The following RALYL variants were observed in gnomAD, a reference collection of about 807,000 sequenced individuals.
The protein encoded by RALYL is RNA-binding Raly-like protein.
RALYL carries 29 observed loss-of-function variants against 35.1 expected under a neutral mutation model. That is an observed-to-expected ratio of 0.83 (90% confidence interval 0.61 to 1.13). The LOEUF is 1.13. RALYL is among the 50% of genes most tolerant of loss of function. The probability of loss-of-function intolerance (pLI) is 0.00; values close to 1 mark genes in which losing one functional copy is unlikely to be tolerated. For missense variants in RALYL, 359 were observed against 360.4 expected (o/e 1.00, Z 0.03); for synonymous variants, 120 against 127.6 (o/e 0.94, Z 0.40).
chr8:84,208,579 C>T (rs1300459318), intron 1 of RALYL, among the ~76,000 whole-genome samples: 1 of 152,126 alleles, frequency 6.6e-6, no homozygotes, highest in Non-Finnish European at 1.5e-5. Flanking sequence ...GGCCTGGGAG[C>T]TGGCAGGCAG....
intron 2 of RALYL, among the ~76,000 whole-genome samples, chr8:84,613,591 C>T (rs1211461980): frequency 1.3e-5 from 2 of 151,212 alleles, no homozygotes; most frequent in African/African-American, 4.9e-5. Flanking sequence ...ATAAGTTATC[C>T]AAAGTCACAC....
chr8:84,790,021 C>T lies in RALYL; in HGVS notation c.333-14749C>T, dbSNP rs562989084. On this transcript the variant is annotated intron_variant, in intron 3 of 8. Coordinates refer to ENST00000521268, the MANE Select transcript of RALYL (RefSeq NM_173848.7). ...AAATGTAATGCTAATGAAATAAAAG[C>T]AAGAAAGACTAGTCTTAGGGGTAGG... Among the ~76,000 whole-genome samples, 88 of 152,144 alleles carry T rather than the reference C, an allele frequency of 5.8e-4. 3 individuals are homozygous for T. The South Asian group carries it at 0.016, about 28-fold the overall frequency.
intron 2 of RALYL, among the ~76,000 whole-genome samples, chr8:84,542,619 C>T (rs1397046867): frequency 2.6e-5 from 4 of 152,094 alleles, no homozygotes; most frequent in African/African-American, 7.2e-5. Context: ...GTGAGGAAGG[C>T]TGTGTTTGCT....
At chr8:84,687,241 G>A (rs28704917) in intron 2 of RALYL, among the ~76,000 whole-genome samples, 29,576 of 151,978 alleles carry the variant, frequency 0.19, 3,121 homozygotes, top group Non-Finnish European at 0.23. Context: ...TCAATTAATA[G>A]TCACTTATTA....
Position 84,919,844 on chromosome 8 carries a change from A to G in RALYL, c.859-1050A>G, listed in dbSNP as rs771463108. Among the ~76,000 whole-genome samples, 3 of 152,172 alleles carry G rather than the reference A, an allele frequency of 2.0e-5. No homozygotes were observed. In the South Asian group the frequency reaches 6.2e-4, roughly 32 times the overall value. Reference sequence around the variant, plus strand: ...GTTAGACAGGTAATGTGCCAATATCATAACAAGATTTGAGGGAGGCACATC... The same window carrying G: ...GTTAGACAGGTAATGTGCCAATATCGTAACAAGATTTGAGGGAGGCACATC... On this transcript the variant is annotated intron_variant, in intron 8 of 8. Transcript: ENST00000521268.
intron 2 of RALYL, among the ~76,000 whole-genome samples, chr8:84,689,325 G>A (rs543715281): frequency 3.0e-4 from 46 of 152,022 alleles, no homozygotes; most frequent in Non-Finnish European, 4.9e-4. Context: ...AAGAATATGC[G>A]GTGTTTGGTT....
chr8:84,892,110 C>A (rs1250693920), intron 8 of RALYL, among the ~76,000 whole-genome samples: 1 of 152,144 alleles, frequency 6.6e-6, no homozygotes, highest in East Asian at 1.9e-4. Context: ...CACAGACTAT[C>A]TACATAATGT....
chr8:84,667,442 T>C (rs530369273), intron 2 of RALYL, among the ~76,000 whole-genome samples: 3 of 152,268 alleles, frequency 2.0e-5, no homozygotes, highest in South Asian at 4.1e-4. Flanking sequence ...TAATTTTCTA[T>C]GAAGAGAAAC....
chr8:84,789,655 C>T (rs1018889452), intron 3 of RALYL, among the ~76,000 whole-genome samples: 3 of 152,022 alleles, frequency 2.0e-5, no homozygotes, highest in Admixed American at 6.6e-5. Flanking sequence ...CCCAGGAGTT[C>T]GAGACCAGCT....
intron 2 of RALYL, among the ~76,000 whole-genome samples, chr8:84,584,439 C>G (rs977179934): frequency 2.6e-5 from 4 of 151,986 alleles, no homozygotes; most frequent in Non-Finnish European, 5.9e-5. Context: ...CCCATCTCTA[C>G]TAAAAATACA....
At chr8:84,743,169 T>A (rs1487948819) in intron 2 of RALYL, among the ~76,000 whole-genome samples, 3 of 152,032 alleles carry the variant, frequency 2.0e-5, no homozygotes, top group Non-Finnish European at 4.4e-5. Context: ...AGGATTAATG[T>A]AATCATTTCT....
At chr8:84,587,053 TAAG>T (rs1226458429) in intron 2 of RALYL, among the ~76,000 whole-genome samples, 3 of 152,246 alleles carry the variant, frequency 2.0e-5, no homozygotes, top group East Asian at 1.9e-4. Flanking sequence ...TACTCACACT[TAAG>T]AAGCAGAAAG....
At chr8:84,686,926 A>T (rs1357641523) in intron 2 of RALYL, among the ~76,000 whole-genome samples, 1 of 152,164 alleles carries the variant, frequency 6.6e-6, no homozygotes, top group Non-Finnish European at 1.5e-5. Flanking sequence ...AAAAATTTCA[A>T]ATACTTTCAC....
At chr8:84,385,969 T>A (rs1037715426) in intron 1 of RALYL, among the ~76,000 whole-genome samples, 11 of 151,842 alleles carry the variant, frequency 7.2e-5, no homozygotes, top group Non-Finnish European at 1.5e-4. Context: ...GGTGGCTTTA[T>A]TATATTTCAC....
intron 2 of RALYL, among the ~76,000 whole-genome samples, chr8:84,557,142 G>C (rs2061179417): frequency 6.6e-6 from 1 of 152,152 alleles, no homozygotes; most frequent in Non-Finnish European, 1.5e-5. Flanking sequence ...ACCCCGTGTA[G>C]CCAGAATAGT....
intron 1 of RALYL, among the ~76,000 whole-genome samples, chr8:84,528,606 G>A (rs1319343684): frequency 2.0e-5 from 3 of 152,062 alleles, no homozygotes; most frequent in Non-Finnish European, 1.5e-5. Flanking sequence ...GATCATTGAT[G>A]AACACTGGCT....
intron 4 of RALYL, among the ~76,000 whole-genome samples, chr8:84,840,410 G>A (rs1365675639): frequency 6.6e-6 from 1 of 152,118 alleles, no homozygotes; most frequent in East Asian, 1.9e-4. Flanking sequence ...GAGAAGAGAA[G>A]TTTAGAGAAA....
intron 1 of RALYL, among the ~76,000 whole-genome samples, chr8:84,352,175 A>G (rs1459254846): frequency 1.3e-5 from 2 of 150,256 alleles, no homozygotes; most frequent in African/African-American, 5.0e-5. Context: ...TTTCCCCTCC[A>G]ATTTGCTATT....
Position 84,457,159 on chromosome 8 carries a change from G to A in RALYL, c.-23-72140G>A, listed in dbSNP as rs527719147. ...TGTCATTCTGAAGCATAAATGGAAT[G>A]CAGGGTTTGGAAGTTGTATTTGCTC... On this transcript the variant is annotated intron_variant, in intron 1 of 8. Transcript: ENST00000521268. Among the ~76,000 whole-genome samples, 15 of 152,008 alleles carry A rather than the reference G, an allele frequency of 9.9e-5. No individual in the cohort carries two copies. The South Asian group carries it at 3.1e-3, about 32-fold the overall frequency.
Sources: allele counts gnomAD v4.1 joint callset (sites outside exome capture counted in the v4.1 genomes callset), GRCh38; gene constraint gnomAD v4.1.1; transcripts MANE v1.5; gene names NCBI Gene and HGNC (gene_info 2026-07-23, HGNC 2026-07-21).